PVR: variants seen among roughly 807,000 people sequenced by gnomAD.
PVR encodes the protein poliovirus receptor.
PVR carries 39 observed loss-of-function variants against 43.3 expected under a neutral mutation model. The ratio of observed to expected loss-of-function variants is 0.90; its 90% CI spans 0.70 to 1.18. The LOEUF is 1.18. Among genes scored for constraint, PVR ranks in the 50% most tolerant of loss-of-function variants. PVR has a pLI of 0.00. For synonymous variants in PVR, 224 were observed against 233.2 expected (o/e 0.96, Z 0.36); for missense variants, 480 against 549.7 (o/e 0.87, Z 1.27).
In PVR at chr19:44,661,496, C is replaced by T. The variant is rs116623424; in HGVS notation, c.1182+173C>T. Among the ~76,000 whole-genome samples, 929 of 152,260 alleles carry T rather than the reference C, an allele frequency of 6.1e-3. 4 individuals carry two copies. Among genetic ancestry groups the T allele is most frequent in the African/African-American group, 0.021 (866 of 41,550 alleles). On this transcript the variant is annotated intron_variant, in intron 7 of 7. Coordinates refer to ENST00000425690, the MANE Select transcript of PVR (RefSeq NM_006505.5). ...GAATCCCCTGTAGAGTTTGCTAAGA[C>T]GCAGCCCCAGACAGTCTGGTCTGTG...
intron 5 of PVR, 105 bp downstream of exon 5, chr19:44,658,015 A>C: frequency 1.8e-4 from 224 of 1,268,722 alleles, no homozygotes; most frequent in Non-Finnish European, 2.2e-4. Flanking sequence ...AAGCCTTCTC[A>C]CAAAAGGACC....
rs1973653434 is a variant in PVR at position 44,664,192 on chromosome 19, A to T, written c.*2381A>T. 6.6e-6 allele frequency: 1 copy of T among 151,744 alleles called. No individual in the cohort carries two copies. Among genetic ancestry groups the T allele is most frequent in the Non-Finnish European group, 1.5e-5 (1 of 67,952 alleles). 9.4% of individuals were successfully genotyped at this position (151,744 alleles called of 1,614,324 possible). On this transcript the variant is annotated 3_prime_UTR_variant, in exon 8 of 8. Transcript: ENST00000425690. ...AACCATTGAATAGTGCACTTTATTT[A>T]TTTATTTATTTGTTTATTTATTTAT...
Position 44,653,909 on chromosome 19 carries a change from A to G in PVR, c.734A>G (p.Glu245Gly). The G allele has an allele frequency of 1.9e-6, 3 of 1,612,732 alleles. No homozygotes were observed. The highest frequency in any genetic ancestry group is 2.5e-6 in the Non-Finnish European group (3 of 1,178,700). ...TATCCATTTCCTGCAGACCCCCCAG[A>G]GGTATCCATCTCTGGCTATGATAAC... ...TVNLTVYYPP[E>G]VSISGYDNNW... The change falls in exon 4 of 8, where the codon GAG becomes GGG. Residue 245 changes from glutamate (E) to glycine (G), a missense_variant. Physicochemically the swap from Glu to Gly is moderately conservative, Grantham distance 98 (BLOSUM62 -2). Coordinates refer to ENST00000425690, the MANE Select transcript of PVR (RefSeq NM_006505.5).
Position 44,655,035 on chromosome 19 carries a change from GATAATACATAATTTT to G in PVR, c.842+1035_842+1049del, listed in dbSNP as rs371378613. ...GAGCAAGGTAAGAAAAAGGCAAAGA[GATAATACATAATTTT>G]ATAATACATAATTTTACATAAATTA... On this transcript the variant is annotated intron_variant, in intron 4 of 7. Coordinates refer to ENST00000425690, the MANE Select transcript of PVR (RefSeq NM_006505.5). 8.1e-3 allele frequency among the ~76,000 whole-genome samples: 1,241 copies of G among 152,284 alleles called. 20 individuals carry two copies. The highest frequency in any genetic ancestry group is 0.028 in the African/African-American group (1,163 of 41,558).
intron 4 of PVR, among the ~76,000 whole-genome samples, chr19:44,654,914 G>A (rs948330003): frequency 1.1e-4 from 16 of 152,072 alleles, no homozygotes. Flanking sequence ...GTTATCTCTG[G>A]ATGGAGCAAG....
At position 44,662,346 on chromosome 19, in the gene PVR, C is replaced by G. The variant is rs116200856; in HGVS notation, c.*535C>G. 1,674 of 154,854 alleles carry G rather than the reference C, an allele frequency of 0.011. 24 individuals are homozygous for G. The highest frequency in any genetic ancestry group is 0.037 in the African/African-American group (1,547 of 41,594). 9.6% of individuals were successfully genotyped at this position (154,854 alleles called of 1,614,324 possible). ...TCACAGTTCATTGCAGCCTTGACTT[C>G]TCAACGCCAAGTCATCCTCCCACCT... is the stretch of plus-strand genomic sequence containing the variant. On this transcript the variant is annotated 3_prime_UTR_variant, in exon 8 of 8. Transcript: ENST00000425690.
chr19:44,644,262 A>G, intron 1 of PVR, 87 bp downstream of exon 1: 2 of 1,058,902 alleles, frequency 1.9e-6, no homozygotes, highest in Non-Finnish European at 2.6e-6. Context: ...GGGTTCCCGA[A>G]GATGACGGCC....
Position 44,662,429 on chromosome 19 carries a change from T to A in PVR, c.*618T>A, listed in dbSNP as rs1483599870. On this transcript the variant is annotated 3_prime_UTR_variant, in exon 8 of 8. Coordinates refer to ENST00000425690, the MANE Select transcript of PVR (RefSeq NM_006505.5). Reference sequence around the variant, plus strand: ...TGCCACCACGTCTGGCTAATCTTTTTATTATTTGTAAAGTCGAGGTTTCCC... The same window carrying A: ...TGCCACCACGTCTGGCTAATCTTTTAATTATTTGTAAAGTCGAGGTTTCCC... 1.3e-5 allele frequency: 2 copies of A among 152,694 alleles called. No individual in the cohort carries two copies. Among genetic ancestry groups the A allele is most frequent in the African/African-American group, 4.8e-5 (2 of 41,450 alleles). 9.5% of individuals were successfully genotyped at this position (152,694 alleles called of 1,614,324 possible).
At chr19:44,647,077 T>TCCCCCCCCCCCCCCCCCCCCC in intron 1 of PVR, 146 bp from the exon 2 acceptor site, 2 of 311,372 alleles carry the variant, frequency 6.4e-6, no homozygotes, top group Non-Finnish European at 5.7e-6. Flanking sequence ...GTGCCCCAGT[T>TCCCCCCCCCCCCCCCCCCCCC]CCCCCTCCCC....
Position 44,658,870 on chromosome 19 carries a change from G to T in PVR, c.1120G>T (p.Val374Phe), listed in dbSNP as rs916322188. ...CTATTGGTCCAAATGTTCCCGTGAG[G>T]TCCTTTGGCACTGTCATCTGTGTCC... The part of the protein sequence containing the change: ...YFYWSKCSRE[V>F]LWHCHLCPSS... Residue 374 changes from valine (V) to phenylalanine (F), a missense_variant, in exon 6 of 8, where the codon GTC (valine) becomes TTC (phenylalanine). Transcript: ENST00000425690. The T allele has an allele frequency of 1.9e-6, 3 of 1,614,070 alleles. No individual in the cohort carries two copies. Among genetic ancestry groups the T allele is most frequent in the Admixed American group, 3.3e-5 (2 of 60,002 alleles).
In PVR at chr19:44,647,186, GC is replaced by G. The variant is rs202046977; in HGVS notation, c.80-33del. ...GCCCCTCCCTATCTAGTCCAAGAACGCCCCGGGTCTGACACCTTCTCTTCGG... is the reference window on the plus strand; with the variant it reads ...GCCCCTCCCTATCTAGTCCAAGAACGCCCGGGTCTGACACCTTCTCTTCGG... On this transcript the variant is annotated intron_variant, in intron 1 of 7. Transcript: ENST00000425690. The G allele has an allele frequency of 1.9e-3, 2,811 of 1,444,202 alleles. 36 individuals are homozygous for G. The African/African-American group carries it at 0.037, about 19-fold the overall frequency. 89.5% of individuals were successfully genotyped at this position (1,444,202 alleles called of 1,614,324 possible). A position where few individuals can be genotyped will look rare whatever the true frequency, so the allele number is the denominator to read the frequency against.
At chr19:44,647,665 G>GCA in intron 2 of PVR, 95 bp downstream of exon 2, 1 of 907,722 alleles carries the variant, frequency 1.1e-6, no homozygotes, top group Non-Finnish European at 1.6e-6. Flanking sequence ...TGGGAGGGAG[G>GCA]GAGATTCCCT....
intron 7 of PVR, 30 bp downstream of exon 7, chr19:44,661,353 G>A: frequency 1.2e-6 from 2 of 1,611,486 alleles, no homozygotes; most frequent in Non-Finnish European, 1.7e-6. Flanking sequence ...TAAGGAGGGT[G>A]TGGGGTCTGC....
intron 3 of PVR, 86 bp downstream of exon 3, chr19:44,650,191 G>A (rs978884209): frequency 7.7e-7 from 1 of 1,300,936 alleles, no homozygotes; most frequent in African/African-American, 1.5e-5. Context: ...GGCACTGTAG[G>A]CATTGCTTCC....
chr19:44,655,337 C>T (rs1016905684), intron 4 of PVR, among the ~76,000 whole-genome samples: 7 of 152,204 alleles, frequency 4.6e-5, no homozygotes, highest in Admixed American at 1.3e-4. Context: ...AATCAACCCA[C>T]CTCAGCCTCC....
At chr19:44,649,632 G>C (rs1357321507) in intron 2 of PVR, among the ~76,000 whole-genome samples, 177 bp from the exon 3 acceptor site, 1 of 151,992 alleles carries the variant, frequency 6.6e-6, no homozygotes, top group Non-Finnish European at 1.5e-5. Flanking sequence ...TGTTGGCCAG[G>C]CTGGTCTCGA....
In PVR at chr19:44,663,987, T is replaced by C. The variant is rs759648451; in HGVS notation, c.*2176T>C. On this transcript the variant is annotated 3_prime_UTR_variant, in exon 8 of 8. Transcript: ENST00000425690. ...AGATAAAAAGACATGAGGGATCCATTCTAATTTGTGTTTGGAGTGTAATGG... is the reference window on the plus strand; with the variant it reads ...AGATAAAAAGACATGAGGGATCCATCCTAATTTGTGTTTGGAGTGTAATGG... 1.3e-5 allele frequency: 2 copies of C among 152,148 alleles called. No individual in the cohort carries two copies. Among genetic ancestry groups the C allele is most frequent in the African/African-American group, 4.8e-5 (2 of 41,410 alleles). The allele number at this position is 152,148 out of a possible 1,614,324, so 9.4% of individuals were successfully genotyped here.
In PVR at chr19:44,644,155, C is replaced by T. The variant is rs939057181; in HGVS notation, c.59C>T (p.Ser20Phe). Residue 20 changes from serine (S) to phenylalanine (F), a missense_variant, in exon 1 of 8, where the codon TCC becomes TTC. Physicochemically the swap from Ser to Phe is radical, Grantham distance 155. Transcript: ENST00000425690. ...PLLLVALLVL[S>F]WPPPGTGDVV... ...CTGCTGGTGGCGCTACTGGTGCTGT[C>T]CTGGCCACCCCCAGGAACCGGTGAG... 1 of 1,512,088 alleles carries T rather than the reference C, an allele frequency of 6.6e-7. No homozygotes were observed. Among genetic ancestry groups the T allele is most frequent in the Non-Finnish European group, 8.8e-7 (1 of 1,135,468 alleles). The allele number at this position is 1,512,088 out of a possible 1,614,324, so 93.7% of individuals were successfully genotyped here. A position where few individuals can be genotyped will look rare whatever the true frequency, so the allele number is the denominator to read the frequency against.
intron 1 of PVR, 140 bp from the exon 2 acceptor site, chr19:44,647,083 T>TCCCCCCCCCC: frequency 3.3e-5 from 1 of 30,342 alleles, no homozygotes; most frequent in Non-Finnish European, 6.2e-5. Context: ...CAGTTCCCCC[T>TCCCCCCCCCC]CCCCCCACAC....
Sources: gnomAD v4.1 joint callset for allele counts (sites outside exome capture counted in the v4.1 genomes callset) on GRCh38, gnomAD v4.1.1 for gene constraint, MANE v1.5 for transcripts, NCBI Gene and HGNC (gene_info 2026-07-23, HGNC 2026-07-21) for gene names.